The following PYGM variants were observed in gnomAD, a reference collection of about 807,000 sequenced individuals.
The protein encoded by PYGM is glycogen phosphorylase, muscle associated.
A neutral mutation model predicts 99.3 loss-of-function variants in PYGM; 81 were observed. That is an observed-to-expected ratio of 0.82 (90% CI 0.68 to 0.98). PYGM has a LOEUF of 0.98. Among genes scored for constraint, PYGM ranks in the 50% least tolerant of loss-of-function variants. The pLI, the probability that PYGM is intolerant of heterozygous loss-of-function variation, is 0.00. For synonymous variants in PYGM, 436 were observed against 451.5 expected, an observed-to-expected ratio of 0.97 and a Z score of 0.44; for missense variants, 1,030 against 1,158.1, an observed-to-expected ratio of 0.89 and a Z score of 1.61.
Position 64,752,035 on chromosome 11 carries a change from C to G in PYGM, c.1657G>C (p.Glu553Gln). 6.2e-7 allele frequency: 1 copy of G among 1,611,986 alleles called. No homozygotes were observed. Among genetic ancestry groups the G allele is most frequent in the Non-Finnish European group, 8.5e-7 (1 of 1,178,920 alleles). ...TTGGGGTTGATGTGGACTTTGTATT[C>G]CCTCTCTAGGTAGGCAGCAAACTTC... ...KLKFAAYLER[E>Q]YKVHINPNSL... Residue 553 changes from glutamate to glutamine, a missense_variant, in exon 14 of 20, where the codon GAA becomes CAA. Physicochemically the swap from Glu to Gln is conservative, Grantham distance 29. Coordinates refer to ENST00000164139, the MANE Select transcript of PYGM (RefSeq NM_005609.4).
chr11:64,747,032 G>A, intron 18 of PYGM, 45 bp from the exon 19 acceptor site: 1 of 1,605,816 alleles, frequency 6.2e-7, no homozygotes, highest in Non-Finnish European at 8.5e-7. Context: ...TAGGGGGCTA[G>A]GATAAGTTCT....
chr11:64,750,686 C>A, intron 16 of PYGM, 103 bp from the exon 17 acceptor site: 1 of 1,100,698 alleles, frequency 9.1e-7, no homozygotes, highest in South Asian at 1.4e-5. Flanking sequence ...GACTCAGAGT[C>A]GCCCCACCCC....
At chr11:64,759,020 GA>G (rs2058415367) in intron 1 of PYGM, among the ~76,000 whole-genome samples, 1 of 502 alleles carries the variant, frequency 2.0e-3, no homozygotes, top group Non-Finnish European at 0.038. Flanking sequence ...CACCCCCAGA[GA>G]AAAAAGTCAT....
chr11:64,760,000 TA>T (rs2058424325), upstream of PYGM: 2 of 1,538,760 alleles, frequency 1.3e-6, no homozygotes, highest in South Asian at 2.4e-5. Context: ...CAAGGGGATT[TA>T]AAGCCTGGCT....
intron 12 of PYGM, 128 bp downstream of exon 12, chr11:64,752,945 A>C: frequency 1.1e-6 from 1 of 913,548 alleles, no homozygotes; most frequent in Non-Finnish European, 1.8e-6. Context: ...GGCTTGGGGA[A>C]CACAGTGCAG....
At position 64,755,262 on chromosome 11, in the gene PYGM, G is replaced by A; in HGVS notation, c.855+11C>T. 2 of 1,613,054 alleles carry A rather than the reference G, an allele frequency of 1.2e-6. No individual in the cohort carries two copies. The highest frequency in any genetic ancestry group is 1.7e-6 in the Non-Finnish European group (2 of 1,179,126). On this transcript the variant is annotated intron_variant, in intron 7 of 19. Coordinates refer to ENST00000164139, the MANE Select transcript of PYGM (RefSeq NM_005609.4). The surrounding 1 kb of genome is among the most constrained non-coding windows in gnomAD (Gnocchi z 4.1). ...TCAGGCTTCCAGCCCCCAGCCCAGG[G>A]GGTGACGCACATTATCATTGGGGTA...
In PYGM at chr11:64,754,384, C is replaced by A; in HGVS notation, c.1000-39G>T. ...AGGGGTCAGTCTGGGCTCCAAACCA[C>A]ATTCCATGCTATGGTCACTGCCCTA... On this transcript the variant is annotated intron_variant, in intron 8 of 19. Transcript: ENST00000164139. This position sits in a 1 kb window ranked among gnomAD's most constrained non-coding sequence, Gnocchi z 5.5. 1.3e-6 allele frequency: 2 copies of A among 1,503,046 alleles called. No homozygotes were observed. Among genetic ancestry groups the A allele is most frequent in the Non-Finnish European group, 1.9e-6 (2 of 1,080,038 alleles). The allele number at this position is 1,503,046 out of a possible 1,614,324, so 93.1% of individuals were successfully genotyped here. A position where few individuals can be genotyped will look rare whatever the true frequency, so the allele number is the denominator to read the frequency against.
chr11:64,758,138 T>C (rs2058406210), intron 4 of PYGM, 108 bp downstream of exon 4: 1 of 1,429,370 alleles, frequency 7.0e-7, no homozygotes, highest in Admixed American at 1.7e-5. Flanking sequence ...GCAAGGATGC[T>C]TTCCACAGAG....
Position 64,751,015 on chromosome 11 carries a change from C to A in PYGM, c.1969+310G>T, listed in dbSNP as rs946573524. 2.4e-5 allele frequency: 10 copies of A among 413,258 alleles called. No homozygotes were observed. In the East Asian group the frequency reaches 4.5e-4, roughly 19 times the overall value. 25.6% of individuals were successfully genotyped at this position (413,258 alleles called of 1,614,324 possible). A position where few individuals can be genotyped will look rare whatever the true frequency, so the allele number is the denominator to read the frequency against. ...CAAGTGATTCTCCTGCTTCAGCCTC[C>A]CAAGTAGCTGGGATTATAGGCACCT... is the stretch of plus-strand genomic sequence containing the variant. On this transcript the variant is annotated intron_variant, in intron 16 of 19. Transcript: ENST00000164139.
rs2058359906 is a variant in PYGM, at chr11:64,751,980, A to C, written c.1712T>G (p.Ile571Ser). 2 of 1,614,134 alleles carry C rather than the reference A, an allele frequency of 1.2e-6. No individual in the cohort carries two copies. The highest frequency in any genetic ancestry group is 1.1e-5 in the South Asian group (1 of 91,076). The change falls in exon 14 of 20, where the codon ATT (isoleucine) becomes AGT (serine). Residue 571 changes from isoleucine to serine, a missense_variant. Transcript: ENST00000164139. ...NSLFDIQVKR[I>S]HEYKRQLLNC... The stretch of plus-strand genomic sequence containing the variant: ...GAGGAGCTGTCGTTTATATTCGTGA[A>C]TCCGCTTCACCTGGATGTCGAAGAG...
chr11:64,750,369 C>T lies in PYGM; in HGVS notation c.2177+7G>A, dbSNP rs201366697. The stretch of plus-strand genomic sequence containing the variant: ...TGTCTTTTGCCCGTGAACCCTGACC[C>T]CCATACCCTCTTTGGTCAAGCTTAT... On this transcript the variant is annotated splice_region_variant and intron_variant, in intron 17 of 19. Coordinates refer to ENST00000164139, the MANE Select transcript of PYGM (RefSeq NM_005609.4). 2.2e-4 allele frequency: 354 copies of T among 1,613,942 alleles called. No individual in the cohort carries two copies. Among genetic ancestry groups the T allele is most frequent in the Middle Eastern group, 8.2e-4 (5 of 6,082 alleles).
intron 1 of PYGM, 21 bp downstream of exon 1, chr11:64,759,635 C>A: frequency 6.2e-7 from 1 of 1,612,486 alleles, no homozygotes; most frequent in African/African-American, 1.3e-5. Flanking sequence ...CATACCCCCA[C>A]CCCAGGCTCC....
Position 64,758,532 on chromosome 11 carries a change from G to A in PYGM, c.346-17C>T, listed in dbSNP as rs2058410387. 6.2e-7 allele frequency: 1 copy of A among 1,613,974 alleles called. No individual in the cohort carries two copies. The highest frequency in any genetic ancestry group is 8.5e-7 in the Non-Finnish European group (1 of 1,179,990). The stretch of plus-strand genomic sequence containing the variant: ...CAGGCCCAGCTGGAGGAGTGAGGGT[G>A]ACAGTGGTCAGGGTCAAGTGTCAGC... On this transcript the variant is annotated splice_polypyrimidine_tract_variant and intron_variant, in intron 2 of 19. Transcript: ENST00000164139.
intron 1 of PYGM, 66 bp downstream of exon 1, chr11:64,759,590 T>A (rs1000808186): frequency 1.2e-6 from 2 of 1,601,500 alleles, no homozygotes; most frequent in African/African-American, 2.7e-5. Context: ...GCCACTTAAG[T>A]CAAGATCGCC....
chr11:64,757,400 T>G (rs1022233890), intron 5 of PYGM, among the ~76,000 whole-genome samples: 1 of 152,146 alleles, frequency 6.6e-6, no homozygotes, highest in African/African-American at 2.4e-5. Flanking sequence ...GTGTGATGAG[T>G]GAATTCCTTT....
In PYGM at chr11:64,759,801, T is replaced by C. The variant is rs886048463; in HGVS notation, c.98A>G (p.Asn33Ser). Reference sequence around the variant, plus strand: ...TACGAGTGTGAAATGCAGGTGCCGGTTGAAGTTCTTTTTCAGCTCAGTCAC... The same window carrying C: ...TACGAGTGTGAAATGCAGGTGCCGGCTGAAGTTCTTTTTCAGCTCAGTCAC... Reference protein sequence around the residue: ...ENVTELKKNFNRHLHFTLVKD... With the variant: ...ENVTELKKNFSRHLHFTLVKD... Residue 33 changes from asparagine to serine, a missense_variant, in exon 1 of 20, where the codon AAC (asparagine) becomes AGC (serine). Transcript: ENST00000164139. 7 of 1,613,914 alleles carry C rather than the reference T, an allele frequency of 4.3e-6. No individual in the cohort carries two copies. The highest frequency in any genetic ancestry group is 1.7e-5 in the Admixed American group (1 of 59,986).
upstream of PYGM, among the ~76,000 whole-genome samples, chr11:64,760,542 G>T (rs1391473161): frequency 6.6e-6 from 1 of 152,254 alleles, no homozygotes; most frequent in African/African-American, 2.4e-5. Flanking sequence ...TGTCCCTCAA[G>T]GAGCCCTGAA....
chr11:64,753,903 G>T lies in PYGM; in HGVS notation c.1215C>A (p.Tyr405Ter). The T allele has an allele frequency of 6.3e-7, 1 of 1,585,920 alleles. No individual in the cohort carries two copies. The highest frequency in any genetic ancestry group is 8.6e-7 in the Non-Finnish European group (1 of 1,165,654). The change falls in exon 10 of 20, where the codon TAC (tyrosine) becomes TAA (stop). Residue 405 changes from tyrosine to a stop codon, truncating the protein, a stop_gained. Coordinates refer to ENST00000164139, the MANE Select transcript of PYGM (RefSeq NM_005609.4). LOFTEE classifies it high-confidence loss of function. ...TLLPRHLQII[Y>*]EINQRFLNRV... is the part of the protein sequence containing the mutation. ...CGTTGAGGAAGCGCTGGTTGATCTCGTAGATGATCTGGAGGTGCCGCGGCA... is the reference window on the plus strand; with the variant it reads ...CGTTGAGGAAGCGCTGGTTGATCTCTTAGATGATCTGGAGGTGCCGCGGCA...
intron 12 of PYGM, 90 bp from the exon 13 acceptor site, chr11:64,752,594 C>G: frequency 2.3e-6 from 3 of 1,333,008 alleles, no homozygotes; most frequent in Non-Finnish European, 3.2e-6. Context: ...GCCAAGCCCC[C>G]TTCACCCAGC....
Sources: gnomAD v4.1 joint callset for allele counts (sites outside exome capture counted in the v4.1 genomes callset) on GRCh38, gnomAD v4.1.1 for gene constraint, Gnocchi (gnomAD v3.1) non-coding constraint, MANE v1.5 for transcripts, NCBI Gene and HGNC (gene_info 2026-07-23, HGNC 2026-07-21) for gene names.